The following SKAP2 variants were observed in gnomAD, a reference collection of about 807,000 sequenced individuals.
SKAP2 encodes the protein src kinase associated phosphoprotein 2.
SKAP2 carries 28 observed loss-of-function variants against 54.9 expected under a neutral mutation model. That is an observed-to-expected ratio of 0.51 (90% confidence interval 0.38 to 0.70). The LOEUF (loss-of-function observed/expected upper bound fraction) is 0.70. Ranked by LOEUF, SKAP2 falls within the 30% of genes least tolerant of loss-of-function variation. SKAP2 has a pLI of 0.00. For missense variants in SKAP2, 356 were observed against 424.1 expected, an observed-to-expected ratio of 0.84 and a Z score of 1.41; for synonymous variants, 137 against 134.3, an observed-to-expected ratio of 1.02 and a Z score of -0.14.
intron 4 of SKAP2, among the ~76,000 whole-genome samples, chr7:26,818,281 C>T (rs1000702609): frequency 2.0e-5 from 3 of 152,048 alleles, no homozygotes; most frequent in Admixed American, 1.3e-4. Context: ...AGAAGTAATG[C>T]CACACATCTA....
chr7:26,830,228 T>G (rs545922513), intron 4 of SKAP2, among the ~76,000 whole-genome samples: 1 of 152,298 alleles, frequency 6.6e-6, no homozygotes, highest in South Asian at 2.1e-4. Flanking sequence ...CCTAGGCCTT[T>G]GAGAGAGATG....
chr7:26,783,606 T>C (rs1584387453), intron 4 of SKAP2, among the ~76,000 whole-genome samples: 1 of 152,160 alleles, frequency 6.6e-6, no homozygotes, highest in Non-Finnish European at 1.5e-5. Context: ...TAGGCTCTCC[T>C]CTATCATAAT....
At chr7:26,725,078 G>T (rs531550131) in intron 9 of SKAP2, among the ~76,000 whole-genome samples, 1 of 152,070 alleles carries the variant, frequency 6.6e-6, no homozygotes, top group South Asian at 2.1e-4. Flanking sequence ...AATAAAAAAC[G>T]ATGTGTGAGT....
intron 9 of SKAP2, among the ~76,000 whole-genome samples, chr7:26,707,764 T>C (rs1787196619): frequency 6.6e-6 from 1 of 152,132 alleles, no homozygotes; most frequent in Non-Finnish European, 1.5e-5. Context: ...ACAAGGAAGC[T>C]TTCTGTTTTT....
chr7:26,756,813 C>T (rs963947998), intron 4 of SKAP2, among the ~76,000 whole-genome samples: 2 of 152,148 alleles, frequency 1.3e-5, no homozygotes, highest in African/African-American at 4.8e-5. Context: ...AAAAGTGTTC[C>T]TATTTCTCCA....
chr7:26,692,698 CTTTTCT>C (rs1562577435), intron 9 of SKAP2, among the ~76,000 whole-genome samples: 1 of 152,140 alleles, frequency 6.6e-6, no homozygotes, highest in Non-Finnish European at 1.5e-5. Flanking sequence ...TATCCTGTCT[CTTTTCT>C]TTTTAACAAT....
At chr7:26,742,088 A>G (rs1156482808) in intron 4 of SKAP2, among the ~76,000 whole-genome samples, 1 of 152,180 alleles carries the variant, frequency 6.6e-6, no homozygotes, top group East Asian at 1.9e-4. Context: ...AACTTGGTAC[A>G]TATAAAGGTA....
chr7:26,761,041 G>A (rs751692635), intron 4 of SKAP2, among the ~76,000 whole-genome samples: 2 of 152,210 alleles, frequency 1.3e-5, no homozygotes, highest in African/African-American at 2.4e-5. Context: ...GCAGAAGATA[G>A]TCTGTAGTAA....
At chr7:26,836,845 C>T (rs1410011933) in intron 4 of SKAP2, among the ~76,000 whole-genome samples, 1 of 152,086 alleles carries the variant, frequency 6.6e-6, no homozygotes, top group Non-Finnish European at 1.5e-5. Flanking sequence ...GGGTGTATAC[C>T]CAAAGGATTA....
At chr7:26,686,474 A>T (rs1454817417) in intron 10 of SKAP2, among the ~76,000 whole-genome samples, 1 of 152,138 alleles carries the variant, frequency 6.6e-6, no homozygotes, top group African/African-American at 2.4e-5. Flanking sequence ...CCAAGAACTA[A>T]CAATGCTTGT....
intron 4 of SKAP2, among the ~76,000 whole-genome samples, chr7:26,747,100 A>G (rs1562595666): frequency 6.6e-6 from 1 of 152,140 alleles, no homozygotes. Context: ...ACCTCAAACA[A>G]TAATCACTGC....
chr7:26,689,109 C>T (rs1043863160), intron 10 of SKAP2, among the ~76,000 whole-genome samples: 1 of 152,114 alleles, frequency 6.6e-6, no homozygotes, highest in Non-Finnish European at 1.5e-5. Context: ...AGAATCAGGC[C>T]TCTGTTTCCT....
intron 4 of SKAP2, among the ~76,000 whole-genome samples, chr7:26,748,691 C>T (rs1011954023): frequency 6.6e-6 from 1 of 152,028 alleles, no homozygotes; most frequent in African/African-American, 2.4e-5. Context: ...AAATGGAATA[C>T]ATTCTCCTTA....
At chr7:26,705,490 T>G (rs926835887) in intron 9 of SKAP2, among the ~76,000 whole-genome samples, 1 of 152,178 alleles carries the variant, frequency 6.6e-6, no homozygotes, top group Non-Finnish European at 1.5e-5. Flanking sequence ...ATGTTAACTA[T>G]CTGAATGTAG....
At position 26,667,226 on chromosome 7, in the gene SKAP2, C is replaced by T. The variant is rs1786119925; in HGVS notation, c.*2440G>A. On this transcript the variant is annotated 3_prime_UTR_variant, in exon 13 of 13. Transcript: ENST00000345317. ...TACAATCACCTTTGAAAAAAATTAG[C>T]TCTCTAACTGTTCACAGAAAAACAA... is the stretch of plus-strand genomic sequence containing the variant. 1 of 152,044 alleles carries T rather than the reference C, an allele frequency of 6.6e-6. No homozygotes were observed. The highest frequency in any genetic ancestry group is 1.5e-5 in the Non-Finnish European group (1 of 68,012). 9.4% of individuals were successfully genotyped at this position (152,044 alleles called of 1,614,324 possible). A position where few individuals can be genotyped will look rare whatever the true frequency, so the allele number is the denominator to read the frequency against.
intron 4 of SKAP2, among the ~76,000 whole-genome samples, chr7:26,812,533 T>TA (rs769701226): frequency 1.1e-4 from 17 of 152,060 alleles, no homozygotes; most frequent in African/African-American, 2.2e-4. Flanking sequence ...TCATAGAATA[T>TA]AAAAAAATCA....
intron 4 of SKAP2, among the ~76,000 whole-genome samples, chr7:26,763,495 G>A (rs1444843687): frequency 6.6e-6 from 1 of 152,052 alleles, no homozygotes; most frequent in Non-Finnish European, 1.5e-5. Context: ...GGTGTTATCT[G>A]CCATATTTCT....
chr7:26,785,855 G>A (rs1783532718), intron 4 of SKAP2, among the ~76,000 whole-genome samples: 1 of 152,154 alleles, frequency 6.6e-6, no homozygotes, highest in Non-Finnish European at 1.5e-5. Flanking sequence ...GACATACACA[G>A]CAGTAATATG....
intron 4 of SKAP2, among the ~76,000 whole-genome samples, chr7:26,798,281 CAT>C (rs780432169): frequency 2.6e-5 from 4 of 151,750 alleles, no homozygotes; most frequent in African/African-American, 4.8e-5. Flanking sequence ...AGTGGCATGA[CAT>C]GTTTAAAGTA....
Sources: allele counts gnomAD v4.1 joint callset (sites outside exome capture counted in the v4.1 genomes callset), GRCh38; gene constraint gnomAD v4.1.1; transcripts MANE v1.5; gene names NCBI Gene and HGNC (gene_info 2026-07-23, HGNC 2026-07-21).